ECT2: variants seen among roughly 807,000 people sequenced by gnomAD.
ECT2 encodes the protein protein ECT2.
A neutral mutation model predicts 116.9 loss-of-function variants in ECT2; 61 were observed. That is an observed-to-expected ratio of 0.52 (90% CI 0.42 to 0.65). ECT2 has a LOEUF of 0.65. Ranked by LOEUF, ECT2 falls within the 30% of genes least tolerant of loss-of-function variation. The pLI is 0.00. For missense variants in ECT2, 937 were observed against 1,078.7 expected (o/e 0.87, Z 1.84); for synonymous variants, 358 against 346.4 (o/e 1.03, Z -0.37).
At position 172,773,920 on chromosome 3, in the gene ECT2, G is replaced by A; in HGVS notation, c.1446G>A (p.Leu482=). 6.2e-7 allele frequency: 1 copy of A among 1,613,034 alleles called. No individual in the cohort carries two copies. The highest frequency in any genetic ancestry group is 8.5e-7 in the Non-Finnish European group (1 of 1,179,424). ...TCATTTAGTTATTTCAAGTACCATT[G>A]GAAGAGGAAGGACAACGTGGTGGAC... ...ATIIQLFQVP[L]EEEGQRGGPI... Residue 482 remains leucine (L), a synonymous_variant, in exon 14 of 25, where the codon TTG becomes TTA. Transcript: ENST00000392692.
chr3:172,795,133 T>G (rs888912782), intron 18 of ECT2, among the ~76,000 whole-genome samples: 1 of 152,090 alleles, frequency 6.6e-6, no homozygotes, highest in African/African-American at 2.4e-5. Flanking sequence ...AAACTTATTC[T>G]TAAGTATTCT....
At chr3:172,779,932 A>G (rs367644646) in intron 14 of ECT2, among the ~76,000 whole-genome samples, 1 of 152,098 alleles carries the variant, frequency 6.6e-6, no homozygotes, top group East Asian at 1.9e-4. Context: ...GATACAATTC[A>G]GTTATTTTAA....
the ECT2 span, among the ~76,000 whole-genome samples, chr3:172,828,334 C>CTGTGTGTG: frequency 1.9e-3 from 280 of 149,750 alleles, 1 homozygote; most frequent in African/African-American, 3.4e-3. Context: ...TACCAACAGG[C>CTGTGTGTG]TGTGTGTGTG....
In ECT2 at chr3:172,754,675, T is replaced by A; in HGVS notation, c.130+15T>A. On this transcript the variant is annotated intron_variant, in intron 2 of 24. Transcript: ENST00000392692. ...ATATGTAGAAGGTAAACCTGTTACC[T>A]GCTTTAAAACAATCAATTTCTATTT... 6.3e-7 allele frequency: 1 copy of A among 1,576,516 alleles called. No individual in the cohort carries two copies. Among genetic ancestry groups the A allele is most frequent in the Non-Finnish European group, 8.6e-7 (1 of 1,159,488 alleles).
chr3:172,775,958 C>G (rs1446979899), intron 14 of ECT2, among the ~76,000 whole-genome samples: 1 of 152,042 alleles, frequency 6.6e-6, no homozygotes, highest in Non-Finnish European at 1.5e-5. Flanking sequence ...TGGTGTTTTG[C>G]CGCTAACTTT....
chr3:172,818,781 A>G (rs1017521640), intron 24 of ECT2: 4 of 1,275,352 alleles, frequency 3.1e-6, no homozygotes, highest in African/African-American at 1.5e-5. Context: ...AGATTTGCCA[A>G]CCACTAATGG....
At chr3:172,765,982 G>A (rs1205124735) in intron 12 of ECT2, among the ~76,000 whole-genome samples, 1 of 152,144 alleles carries the variant, frequency 6.6e-6, no homozygotes, top group Non-Finnish European at 1.5e-5. Context: ...CCTGGTAGTT[G>A]TTTTTAGTAG....
chr3:172,799,928 C>T (rs1178782010), intron 18 of ECT2, among the ~76,000 whole-genome samples: 1 of 152,146 alleles, frequency 6.6e-6, no homozygotes, highest in African/African-American at 2.4e-5. Context: ...TCAGGCAAAC[C>T]TGCCCTGAGA....
chr3:172,774,611 T>C (rs1721316791), intron 14 of ECT2, among the ~76,000 whole-genome samples: 1 of 152,046 alleles, frequency 6.6e-6, no homozygotes, highest in Admixed American at 6.6e-5. Flanking sequence ...CACCTCAGCC[T>C]CTCCCGAAGT....
In ECT2 at chr3:172,764,446, A is replaced by G. The variant is rs769225953; in HGVS notation, c.1237A>G (p.Ile413Val). Residue 413 changes from isoleucine to valine, a missense_variant, in exon 12 of 25, where the codon ATA becomes GTA. Coordinates refer to ENST00000392692, the MANE Select transcript of ECT2 (RefSeq NM_001258315.2). ...CCCATCAGCTGAGCATTCCCTTTCC[A>G]TAGGGTCACTCCTAGATATCTCCAA... ...KRPSAEHSLS[I>V]GSLLDISNTP... 2.5e-6 allele frequency: 4 copies of G among 1,614,140 alleles called. No individual in the cohort carries two copies. Among genetic ancestry groups the G allele is most frequent in the East Asian group, 2.2e-5 (1 of 44,882 alleles).
intron 24 of ECT2, 138 bp from the exon 25 acceptor site, chr3:172,820,010 T>G (rs184748781): frequency 1.2e-4 from 68 of 558,634 alleles, no homozygotes; most frequent in Non-Finnish European, 1.8e-4. Context: ...TTAAAGAGTT[T>G]AGAATTGTCA....
intron 11 of ECT2, 90 bp downstream of exon 11, chr3:172,763,062 A>T (rs1576861437): frequency 1.5e-6 from 2 of 1,337,934 alleles, no homozygotes; most frequent in South Asian, 1.3e-5. Flanking sequence ...AAGCATGTTT[A>T]GGAATTTCAG....
At chr3:172,751,879 A>T in intron 1 of ECT2, among the ~76,000 whole-genome samples, 1 of 152,286 alleles carries the variant, frequency 6.6e-6, no homozygotes, top group East Asian at 1.9e-4. Context: ...TTCCATTTCT[A>T]ATCTGACTGT....
downstream of ECT2, among the ~76,000 whole-genome samples, chr3:172,821,816 A>G (rs954005063): frequency 4.0e-5 from 6 of 151,866 alleles, no homozygotes; most frequent in Non-Finnish European, 8.9e-5. Flanking sequence ...AGAGACAAGA[A>G]ATGACATGAG....
chr3:172,754,749 A>G, intron 2 of ECT2, 89 bp downstream of exon 2: 1 of 981,676 alleles, frequency 1.0e-6, no homozygotes. Context: ...TTTAATACCA[A>G]CTGTAATGCT....
At chr3:172,807,373 C>CT (rs1727973420) in intron 21 of ECT2, among the ~76,000 whole-genome samples, 1 of 152,064 alleles carries the variant, frequency 6.6e-6, no homozygotes, top group African/African-American at 2.4e-5. Context: ...ATACGGAAGG[C>CT]TGACTATATA....
chr3:172,813,096 A>C (rs1729064384), intron 22 of ECT2, among the ~76,000 whole-genome samples: 1 of 152,122 alleles, frequency 6.6e-6, no homozygotes, highest in South Asian at 2.1e-4. Flanking sequence ...ATAGTTCACA[A>C]GAACCAACCA....
At chr3:172,818,706 T>TA in intron 24 of ECT2, 1 of 1,288,908 alleles carries the variant, frequency 7.8e-7, no homozygotes, top group South Asian at 1.2e-5. Context: ...TAGAAGGAAA[T>TA]ACTGATTTTT....
At chr3:172,794,298 T>C (rs1357139017) in intron 18 of ECT2, among the ~76,000 whole-genome samples, 1 of 152,214 alleles carries the variant, frequency 6.6e-6, no homozygotes, top group African/African-American at 2.4e-5. Flanking sequence ...ATGGTATAGA[T>C]TGAAGTTCAT....
Sources: allele counts gnomAD v4.1 joint callset (sites outside exome capture counted in the v4.1 genomes callset), GRCh38; gene constraint gnomAD v4.1.1; transcripts MANE v1.5; gene names NCBI Gene and HGNC (gene_info 2026-07-23, HGNC 2026-07-21).